The following FREM1 variants were observed in gnomAD, a reference collection of about 807,000 sequenced individuals.
The protein encoded by FREM1 is FRAS1 related extracellular matrix 1.
FREM1 carries 220 observed loss-of-function variants against 210.1 expected under a neutral mutation model. The observed-to-expected ratio is 1.05, with a 90% CI of 0.94 to 1.17. The LOEUF (loss-of-function observed/expected upper bound fraction) is 1.17, where lower values mean the gene tolerates loss of function less well. Among genes scored for constraint, FREM1 ranks in the 50% most tolerant of loss-of-function variants. The pLI, the probability that FREM1 is intolerant of heterozygous loss-of-function variation, is 0.00. For missense variants in FREM1, 3,454 were observed against 2,675.5 expected (o/e 1.29, Z -6.42); for synonymous variants, 1,189 against 980.2 (o/e 1.21, Z -3.98).
chr9:14,856,531 T>C (rs1450192570), intron 5 of FREM1, among the ~76,000 whole-genome samples: 4 of 152,176 alleles, frequency 2.6e-5, no homozygotes, highest in African/African-American at 4.8e-5. Context: ...AAGATAGAAG[T>C]ATTTCCAAAC....
chr9:14,737,687 T>A (rs1587592507), intron 36 of FREM1, 92 bp from the exon 37 acceptor site: 2 of 1,046,144 alleles, frequency 1.9e-6, no homozygotes, highest in East Asian at 5.6e-5. Context: ...AGTTATCACA[T>A]GCAAGTGTGG....
At chr9:14,899,557 C>G (rs1383641740) in intron 1 of FREM1, among the ~76,000 whole-genome samples, 1 of 152,144 alleles carries the variant, frequency 6.6e-6, no homozygotes, top group Non-Finnish European at 1.5e-5. Context: ...CAGGAGGATA[C>G]AGCAATGTAG....
At chr9:14,830,368 A>G (rs1221606922) in intron 10 of FREM1, among the ~76,000 whole-genome samples, 1 of 152,176 alleles carries the variant, frequency 6.6e-6, no homozygotes. Flanking sequence ...GAAGGCAGCA[A>G]GCAAGAGCCC....
chr9:14,759,929 T>G (rs760305410), intron 27 of FREM1, 28 bp from the exon 28 acceptor site: 4 of 1,595,530 alleles, frequency 2.5e-6, no homozygotes, highest in Non-Finnish European at 3.4e-6. Flanking sequence ...AGAGAAATCA[T>G]GAGAATGCAT....
At chr9:14,804,895 T>C in intron 19 of FREM1, 61 bp downstream of exon 19, 1 of 1,272,282 alleles carries the variant, frequency 7.9e-7, no homozygotes, top group South Asian at 1.2e-5. Context: ...GTAAATGGAC[T>C]AATTGAAAAT....
intron 24 of FREM1, among the ~76,000 whole-genome samples, chr9:14,778,381 C>T (rs965000419): frequency 6.6e-6 from 1 of 151,350 alleles, no homozygotes. Context: ...CTGGCCAAGG[C>T]GGGCAGATGG....
rs1333720947 is a variant in FREM1, at chr9:14,836,887, G to C, written c.1881+4560C>G. Among the ~76,000 whole-genome samples the C allele has an allele frequency of 1.3e-5, 2 of 152,202 alleles. No individual in the cohort carries two copies. The highest frequency in any genetic ancestry group is 1.3e-4 in the Admixed American group (2 of 15,280). On this transcript the variant is annotated intron_variant, in intron 10 of 36. Transcript: ENST00000380880. The surrounding 1 kb of genome is among the most constrained non-coding windows in gnomAD (Gnocchi z 4.9). ...TATTGCCGCAGGGAGGAATGTGGTA[G>C]GAGTTATTAAGAAAAAGAAATTATT... is the stretch of plus-strand genomic sequence containing the variant.
At chr9:14,798,476 G>C (rs1306812076) in intron 20 of FREM1, among the ~76,000 whole-genome samples, 1 of 151,922 alleles carries the variant, frequency 6.6e-6, no homozygotes, top group East Asian at 1.9e-4. Context: ...ACACTAGCCA[G>C]GTGACGCCTG....
intron 28 of FREM1, among the ~76,000 whole-genome samples, chr9:14,759,369 G>T (rs886958013): frequency 1.3e-5 from 2 of 152,056 alleles, no homozygotes; most frequent in South Asian, 4.2e-4. Context: ...AATTAGCAGG[G>T]CCTGGTGGCA....
At chr9:14,848,104 T>C (rs116557477) in intron 7 of FREM1, among the ~76,000 whole-genome samples, 2,830 of 152,332 alleles carry the variant, frequency 0.019, 95 homozygotes, top group African/African-American at 0.064. Context: ...TTTCAAATGG[T>C]ATTGATGGGA....
intron 15 of FREM1, 86 bp from the exon 16 acceptor site, chr9:14,813,150 T>C: frequency 7.3e-7 from 1 of 1,362,936 alleles, no homozygotes; most frequent in Non-Finnish European, 1.0e-6. Flanking sequence ...ATAGTCAGAA[T>C]GACAGGCATT....
In FREM1 at chr9:14,738,482, G is replaced by A. The variant is rs145774256; in HGVS notation, c.6341-887C>T. Reference sequence around the variant, plus strand: ...GTGACATTCTGCCTAAGCATATTGTGAGGACAGAGCCTTGCAGTGAGTCAT... The same window carrying A: ...GTGACATTCTGCCTAAGCATATTGTAAGGACAGAGCCTTGCAGTGAGTCAT... On this transcript the variant is annotated intron_variant, in intron 36 of 36. Transcript: ENST00000380880. Among the ~76,000 whole-genome samples, 167 of 152,278 alleles carry A rather than the reference G, an allele frequency of 1.1e-3. 1 individual carries two copies. Among genetic ancestry groups the A allele is most frequent in the African/African-American group, 3.9e-3 (163 of 41,542 alleles).
At chr9:14,784,666 C>T (rs1346054818) in intron 23 of FREM1, 32 bp from the exon 24 acceptor site, 7 of 1,458,506 alleles carry the variant, frequency 4.8e-6, no homozygotes, top group Admixed American at 2.3e-5. Context: ...GGTCAATAAT[C>T]ATATCAAAAA....
rs551183674 is a variant in FREM1 at position 14,744,149 on chromosome 9, C to G, written c.6254+2204G>C. Among the ~76,000 whole-genome samples, 3 of 152,184 alleles carry G rather than the reference C, an allele frequency of 2.0e-5. No individual in the cohort carries two copies. In the South Asian group the frequency reaches 6.2e-4, roughly 32 times the overall value. Reference sequence around the variant, plus strand: ...CCACTGATTAACCTCTCTGGTGACTCTACTCACAGTTAAAACATGAAATAC... The same window carrying G: ...CCACTGATTAACCTCTCTGGTGACTGTACTCACAGTTAAAACATGAAATAC... On this transcript the variant is annotated intron_variant, in intron 35 of 36. Transcript: ENST00000380880.
intron 26 of FREM1, among the ~76,000 whole-genome samples, chr9:14,770,386 C>T (rs902766290): frequency 1.3e-5 from 2 of 152,022 alleles, no homozygotes; most frequent in African/African-American, 4.8e-5. Flanking sequence ...TATAAATAAA[C>T]AGTTGTATAT....
intron 1 of FREM1, among the ~76,000 whole-genome samples, chr9:14,871,742 T>A (rs890182692): frequency 4.6e-5 from 7 of 152,222 alleles, no homozygotes; most frequent in Middle Eastern, 6.8e-3. Flanking sequence ...GCCTATGTCC[T>A]GAATGGTAAT....
intron 29 of FREM1, among the ~76,000 whole-genome samples, chr9:14,751,194 A>G (rs1385932188): frequency 6.6e-6 from 1 of 152,250 alleles, no homozygotes; most frequent in Admixed American, 6.5e-5. Context: ...AGAAGGCTCA[A>G]CTTTAAGAGG....
At chr9:14,838,546 TATTTCTAG>T (rs1323073957) in intron 10 of FREM1, among the ~76,000 whole-genome samples, 2 of 151,972 alleles carry the variant, frequency 1.3e-5, no homozygotes, top group African/African-American at 4.8e-5. Context: ...TGCACACACT[TATTTCTAG>T]AAACTCTGAA....
intron 10 of FREM1, among the ~76,000 whole-genome samples, chr9:14,831,099 T>C (rs527250278): frequency 6.6e-6 from 1 of 152,296 alleles, no homozygotes; most frequent in South Asian, 2.1e-4. Flanking sequence ...TTCTTTTCAC[T>C]GGTGACCTTG....
Sources: gnomAD v4.1 joint callset for allele counts (sites outside exome capture counted in the v4.1 genomes callset) on GRCh38, gnomAD v4.1.1 for gene constraint, Gnocchi (gnomAD v3.1) non-coding constraint, MANE v1.5 for transcripts, NCBI Gene and HGNC (gene_info 2026-07-23, HGNC 2026-07-21) for gene names.